MAGI1: variants seen among roughly 807,000 people sequenced by gnomAD.
MAGI1 encodes the protein membrane associated guanylate kinase, WW and PDZ domain containing 1, also known as membrane-associated guanylate kinase, WW and PDZ domain-containing protein 1.
MAGI1 carries 58 observed loss-of-function variants against 139.9 expected under a neutral mutation model. The observed-to-expected ratio is 0.41, with a 90% CI of 0.34 to 0.52. The LOEUF is 0.52. Among genes scored for constraint, MAGI1 ranks in the 20% least tolerant of loss-of-function variants. The pLI is 0.12. For missense variants in MAGI1, 1,874 were observed against 1,901.6 expected (o/e 0.99, Z 0.27); for synonymous variants, 812 against 737.9 (o/e 1.10, Z -1.63).
rs752660776 is a variant in MAGI1, at chr3:65,375,788, C to T, written c.3153G>A (p.Lys1051=). 1 of 1,613,994 alleles carries T rather than the reference C, an allele frequency of 6.2e-7. No homozygotes were observed. Among genetic ancestry groups the T allele is most frequent in the Non-Finnish European group, 8.5e-7 (1 of 1,180,002 alleles). ...GGAGGGTAACTGTGTTTCCCGCTTC[C>T]TTGATTAGGTTCACAATGTCTGAAT... The part of the protein sequence containing the change: ...KSHSDIVNLI[K]EAGNTVTLRI... The change falls in exon 18 of 23, where the codon AAG becomes AAA. Residue 1051 remains lysine (K), a synonymous_variant. Coordinates refer to ENST00000402939, the MANE Select transcript of MAGI1 (RefSeq NM_001033057.2).
At chr3:65,919,680 TC>T (rs1462108608) in intron 1 of MAGI1, among the ~76,000 whole-genome samples, 1 of 10,862 alleles carries the variant, frequency 9.2e-5, no homozygotes, top group African/African-American at 2.7e-3. Flanking sequence ...TCTCTCTCCT[TC>T]TCTCTCTCTC....
chr3:65,869,352 A>C (rs1297449028), intron 1 of MAGI1, among the ~76,000 whole-genome samples: 2 of 150,356 alleles, frequency 1.3e-5, no homozygotes, highest in Non-Finnish European at 3.0e-5. Flanking sequence ...CAGATCCCAA[A>C]GGCAAGACTG....
At chr3:65,995,617 T>C (rs2066404483) in intron 1 of MAGI1, among the ~76,000 whole-genome samples, 1 of 152,100 alleles carries the variant, frequency 6.6e-6, no homozygotes, top group South Asian at 2.1e-4. Context: ...TTCAAACTAT[T>C]GTCAGGGAAG....
intron 2 of MAGI1, among the ~76,000 whole-genome samples, chr3:65,611,200 T>C (rs1017892499): frequency 1.4e-5 from 2 of 141,796 alleles, no homozygotes; most frequent in African/African-American, 2.5e-5. Context: ...TATATATGTG[T>C]GTATACACAC....
At chr3:65,447,797 G>C (rs1227208255) in intron 7 of MAGI1, among the ~76,000 whole-genome samples, 1 of 152,188 alleles carries the variant, frequency 6.6e-6, no homozygotes, top group Admixed American at 6.5e-5. Context: ...TCTCTGTTCA[G>C]TCAGACATTT....
chr3:65,497,130 G>C (rs976887231), intron 2 of MAGI1, among the ~76,000 whole-genome samples: 31 of 152,108 alleles, frequency 2.0e-4, no homozygotes, highest in African/African-American at 7.5e-4. Flanking sequence ...GAAGGTCAGA[G>C]TAGAGGGTGG....
Position 65,984,247 on chromosome 3 carries a change from T to C in MAGI1, c.313+53749A>G, listed in dbSNP as rs904144391. On this transcript the variant is annotated intron_variant, in intron 1 of 22. Transcript: ENST00000402939. ...AGGCAGAGGTTGCAGTGAGCCAAGATTGTGCCATTGCACTCCAGCCTGCGT... is the reference window on the plus strand; with the variant it reads ...AGGCAGAGGTTGCAGTGAGCCAAGACTGTGCCATTGCACTCCAGCCTGCGT... Among the ~76,000 whole-genome samples, 9 of 152,144 alleles carry C rather than the reference T, an allele frequency of 5.9e-5. No homozygotes were observed. The East Asian group carries it at 1.3e-3, about 23-fold the overall frequency.
chr3:65,913,501 T>C (rs2061760117), intron 1 of MAGI1, among the ~76,000 whole-genome samples: 1 of 152,068 alleles, frequency 6.6e-6, no homozygotes, highest in South Asian at 2.1e-4. Flanking sequence ...CTAATAGGTA[T>C]AGGTTGTTTC....
intron 1 of MAGI1, among the ~76,000 whole-genome samples, chr3:65,976,997 C>T (rs942252571): frequency 6.6e-6 from 1 of 152,154 alleles, no homozygotes; most frequent in South Asian, 2.1e-4. Flanking sequence ...TACAAGTTAA[C>T]AAGAAATGGA....
intron 17 of MAGI1, among the ~76,000 whole-genome samples, chr3:65,377,122 G>A (rs2371948): frequency 0.13 from 20,360 of 152,180 alleles, 2,665 homozygotes; most frequent in East Asian, 0.41. Flanking sequence ...CTTCTGTCAT[G>A]ATTTGGACCT....
At chr3:65,570,431 A>AAAC (rs1553671016) in intron 2 of MAGI1, among the ~76,000 whole-genome samples, 2 of 151,426 alleles carry the variant, frequency 1.3e-5, no homozygotes, top group Admixed American at 6.6e-5. Flanking sequence ...AAAAAAAAAA[A>AAAC]TGTTTAATCA....
At chr3:65,559,533 G>C (rs2080240032) in intron 2 of MAGI1, among the ~76,000 whole-genome samples, 1 of 151,990 alleles carries the variant, frequency 6.6e-6, no homozygotes, top group Non-Finnish European at 1.5e-5. Flanking sequence ...TGTTGAAATA[G>C]ATTTCTCTCT....
chr3:65,997,835 G>C (rs9874187), intron 1 of MAGI1, among the ~76,000 whole-genome samples: 1 of 151,988 alleles, frequency 6.6e-6, no homozygotes, highest in Non-Finnish European at 1.5e-5. Context: ...AGGACTGTTC[G>C]CCAACTCTAG....
chr3:65,695,336 G>A (rs1194453644), intron 1 of MAGI1, among the ~76,000 whole-genome samples: 1 of 152,194 alleles, frequency 6.6e-6, no homozygotes, highest in East Asian at 1.9e-4. Context: ...TCTTGTCCCA[G>A]GGAGGTAAGA....
At chr3:65,915,898 AAAGC>A (rs1266165259) in intron 1 of MAGI1, among the ~76,000 whole-genome samples, 1 of 151,864 alleles carries the variant, frequency 6.6e-6, no homozygotes, top group Non-Finnish European at 1.5e-5. Flanking sequence ...TTATGTTGAA[AAAGC>A]AAGATGCAAA....
intron 1 of MAGI1, among the ~76,000 whole-genome samples, chr3:65,691,024 C>T (rs1373194346): frequency 6.6e-6 from 1 of 151,948 alleles, no homozygotes; most frequent in East Asian, 1.9e-4. Flanking sequence ...GAGGTTCAGC[C>T]TGGGTGTGGT....
chr3:65,785,242 C>CAT (rs886737948), intron 1 of MAGI1, among the ~76,000 whole-genome samples: 48 of 152,190 alleles, frequency 3.2e-4, no homozygotes, highest in Admixed American at 1.8e-3. Flanking sequence ...GTAGGAGAAG[C>CAT]ATATATAACC....
intron 14 of MAGI1, among the ~76,000 whole-genome samples, chr3:65,389,686 C>A (rs550936180): frequency 6.6e-6 from 1 of 152,316 alleles, no homozygotes; most frequent in African/African-American, 2.4e-5. Flanking sequence ...TGAGGTCATT[C>A]CAAATGGAAC....
chr3:65,716,549 C>T lies in MAGI1; in HGVS notation c.314-94461G>A, dbSNP rs1433559988. Among the ~76,000 whole-genome samples, 5 of 152,176 alleles carry T rather than the reference C, an allele frequency of 3.3e-5. No individual in the cohort carries two copies. In the East Asian group the frequency reaches 9.6e-4, roughly 29 times the overall value. On this transcript the variant is annotated intron_variant, in intron 1 of 22. Transcript: ENST00000402939. ...AACAGTGGGGAACAGCAATTCCTTTCTTGCTACCTGACTCTGAAATTCCCA... is the reference window on the plus strand; with the variant it reads ...AACAGTGGGGAACAGCAATTCCTTTTTTGCTACCTGACTCTGAAATTCCCA...
Sources: allele counts gnomAD v4.1 joint callset (sites outside exome capture counted in the v4.1 genomes callset), GRCh38; gene constraint gnomAD v4.1.1; transcripts MANE v1.5; gene names NCBI Gene and HGNC (gene_info 2026-07-23, HGNC 2026-07-21).